TBL2: variants seen among roughly 807,000 people sequenced by gnomAD.
TBL2 encodes the protein transducin beta-like protein 2.
In TBL2, 33 loss-of-function variants were observed where a neutral mutation model predicts 41.8. The observed-to-expected ratio is 0.79, with a 90% CI of 0.60 to 1.06. The LOEUF is 1.06. Among genes scored for constraint, TBL2 ranks in the 50% least tolerant of loss-of-function variants. TBL2 has a pLI of 0.00. For synonymous variants in TBL2, 239 were observed against 241.7 expected (o/e 0.99, Z 0.10); for missense variants, 522 against 603.8 (o/e 0.86, Z 1.42).
chr7:73,577,405 G>GTC (rs1456605302), intron 1 of TBL2, among the ~76,000 whole-genome samples: 3 of 151,012 alleles, frequency 2.0e-5, no homozygotes, highest in Admixed American at 6.6e-5. Flanking sequence ...GCGAAACCCC[G>GTC]TCTACTAAAT....
In TBL2 at chr7:73,570,863, C is replaced by T; in HGVS notation, c.988G>A (p.Ala330Thr). Reference protein sequence around the residue: ...LLKTGRFEEAAGAAPCRLALS... With the variant: ...LLKTGRFEEATGAAPCRLALS... Reference sequence around the variant, plus strand: ...GCCAGGCGGCACGGCGCGGCACCCGCCGCCTCTTCAAAGCGGCCTGTCTTC... The same window carrying T: ...GCCAGGCGGCACGGCGCGGCACCCGTCGCCTCTTCAAAGCGGCCTGTCTTC... Residue 330 changes from alanine to threonine, a missense_variant, in exon 7 of 7, where the codon GCG (alanine) becomes ACG (threonine). Coordinates refer to ENST00000305632, the MANE Select transcript of TBL2 (RefSeq NM_012453.4). The T allele has an allele frequency of 6.2e-7, 1 of 1,613,884 alleles. No homozygotes were observed. The highest frequency in any genetic ancestry group is 8.5e-7 in the Non-Finnish European group (1 of 1,180,028).
At position 73,570,360 on chromosome 7, in the gene TBL2, T is replaced by G; in HGVS notation, c.*147A>C. 2 of 1,324,594 alleles carry G rather than the reference T, an allele frequency of 1.5e-6. No homozygotes were observed. The highest frequency in any genetic ancestry group is 1.7e-5 in the South Asian group (1 of 59,602). 82.1% of individuals were successfully genotyped at this position (1,324,594 alleles called of 1,614,324 possible). ...AGAGAGAGACCTAAGTAGACAAGAG[T>G]AGTTTCAATGGGAAGAAGCAGGGCC... On this transcript the variant is annotated 3_prime_UTR_variant, in exon 7 of 7. Transcript: ENST00000305632.
chr7:73,572,428 G>A (rs1210215007), intron 5 of TBL2, among the ~76,000 whole-genome samples: 3 of 152,164 alleles, frequency 2.0e-5, no homozygotes, highest in Non-Finnish European at 2.9e-5. Context: ...CTGCCTGGGC[G>A]AGGGTGAAAC....
At chr7:73,572,810 G>A (rs535466228) in intron 5 of TBL2, 34 bp downstream of exon 5, 42 of 1,613,402 alleles carry the variant, frequency 2.6e-5, no homozygotes, top group Middle Eastern at 1.7e-4. Context: ...CCAGCCTCTC[G>A]TGGTCCCAGA....
At chr7:73,576,973 C>T (rs971516970) in intron 1 of TBL2, among the ~76,000 whole-genome samples, 1 of 151,866 alleles carries the variant, frequency 6.6e-6, no homozygotes, top group Non-Finnish European at 1.5e-5. Context: ...AAGAACAGGA[C>T]TCGGCCAGGC....
chr7:73,571,177 G>A lies in TBL2; in HGVS notation c.878+12C>T, dbSNP rs367955099. The A allele has an allele frequency of 7.4e-6, 12 of 1,614,006 alleles. No individual in the cohort carries two copies. Among genetic ancestry groups the A allele is most frequent in the South Asian group, 6.6e-5 (6 of 91,066 alleles). ...AGAGCCACTGGTCAGACATCAGAGCGGATTCACTCACCTCCGTGAGTCGTT... is the reference window on the plus strand; with the variant it reads ...AGAGCCACTGGTCAGACATCAGAGCAGATTCACTCACCTCCGTGAGTCGTT... On this transcript the variant is annotated intron_variant, in intron 6 of 6. Transcript: ENST00000305632.
chr7:73,578,306 G>C, intron 1 of TBL2, 114 bp downstream of exon 1: 1 of 1,535,342 alleles, frequency 6.5e-7, no homozygotes, highest in Non-Finnish European at 8.7e-7. Flanking sequence ...AGAAACTGAG[G>C]CCCATGGAGT....
In TBL2 at chr7:73,568,333, C is replaced by T. The variant is rs568457298; in HGVS notation, c.*2174G>A. Among the ~76,000 whole-genome samples the T allele has an allele frequency of 7.8e-4, 118 of 152,120 alleles. No homozygotes were observed. Among genetic ancestry groups the T allele is most frequent in the Non-Finnish European group, 1.6e-3 (106 of 68,028 alleles). ...CCAATAAGAGAGTAGTGGACTGCATCGGGCCGACCTTAGTGTTTTGTTTGG... is the reference window on the plus strand; with the variant it reads ...CCAATAAGAGAGTAGTGGACTGCATTGGGCCGACCTTAGTGTTTTGTTTGG... On this transcript the variant is annotated 3_prime_UTR_variant, in exon 7 of 7. Transcript: ENST00000305632.
intron 4 of TBL2, 153 bp downstream of exon 4, chr7:73,573,167 C>T (rs1376404352): frequency 3.6e-6 from 5 of 1,380,040 alleles, no homozygotes; most frequent in Non-Finnish European, 4.9e-6. Context: ...CCAGGGACTC[C>T]AGGGGAGCAC....
chr7:73,574,425 T>C lies in TBL2; in HGVS notation c.219A>G (p.Gln73=). 6.2e-7 allele frequency: 1 copy of C among 1,614,090 alleles called. No individual in the cohort carries two copies. Among genetic ancestry groups the C allele is most frequent in the Non-Finnish European group, 8.5e-7 (1 of 1,180,040 alleles). Reference sequence around the variant, plus strand: ...GGAGGCGGTGGGTGAAGTTGTGTTGTTGAGGCTTCTCCTTCCGAATCCGCT... The same window carrying C: ...GGAGGCGGTGGGTGAAGTTGTGTTGCTGAGGCTTCTCCTTCCGAATCCGCT... ...QYQRIRKEKP[Q]QHNFTHRLLA... Residue 73 remains glutamine, a synonymous_variant, in exon 2 of 7, where the codon CAA becomes CAG. Coordinates refer to ENST00000305632, the MANE Select transcript of TBL2 (RefSeq NM_012453.4).
At chr7:73,578,180 C>A in intron 1 of TBL2, 1 of 1,452,676 alleles carries the variant, frequency 6.9e-7, no homozygotes, top group Non-Finnish European at 9.2e-7. Flanking sequence ...CTGGCCTCGG[C>A]CACAGAGAAA....
rs1792716740 is a variant in TBL2 at position 73,568,079 on chromosome 7, CAA to C, written c.*2426_*2427del. Among the ~76,000 whole-genome samples the C allele has an allele frequency of 6.6e-6, 1 of 152,152 alleles. No homozygotes were observed. Among genetic ancestry groups the C allele is most frequent in the African/African-American group, 2.4e-5 (1 of 41,424 alleles). On this transcript the variant is annotated 3_prime_UTR_variant, in exon 7 of 7. Transcript: ENST00000305632. ...TCAGGCCTTGTGTGCACAGCATTGC[CAA>C]AAGTCTGTGGTTAGGAACATACAAA...
chr7:73,573,396 G>A lies in TBL2; in HGVS notation c.522C>T (p.Tyr174=), dbSNP rs781929743. The change falls in exon 4 of 7, where the codon TAC becomes TAT. Residue 174 remains tyrosine (Y), a synonymous_variant. Coordinates refer to ENST00000305632, the MANE Select transcript of TBL2 (RefSeq NM_012453.4). The stretch of plus-strand genomic sequence containing the variant: ...AGTCCTCTGGGGTGGCTGTGAAGGT[G>A]TAGCCCCCATCCTCCCGCTTGGTCA... ...FKMTKREDGG[Y]TFTATPEDFP... The A allele has an allele frequency of 6.2e-7, 1 of 1,614,184 alleles. No individual in the cohort carries two copies. The highest frequency in any genetic ancestry group is 8.5e-7 in the Non-Finnish European group (1 of 1,180,024).
At chr7:73,575,292 A>ATT (rs781957714) in intron 1 of TBL2, among the ~76,000 whole-genome samples, 2 of 101,634 alleles carry the variant, frequency 2.0e-5, no homozygotes, top group Non-Finnish European at 2.0e-5. Context: ...TATCCAGCTA[A>ATT]TTTTTTTTTT....
chr7:73,574,225 C>G, intron 2 of TBL2, 103 bp from the exon 3 acceptor site: 1 of 1,538,034 alleles, frequency 6.5e-7, no homozygotes, highest in Non-Finnish European at 8.8e-7. Flanking sequence ...GGATTAACAG[C>G]AAGCTGAGAT....
Position 73,570,658 on chromosome 7 carries a change from A to G in TBL2, c.1193T>C (p.Leu398Pro), listed in dbSNP as rs782415315. Reference sequence around the variant, plus strand: ...TCGGTGGCCAGGAGTGTTGTGAAACAGCCGCACCGCCCGGTCCCCACAGGA... The same window carrying G: ...TCGGTGGCCAGGAGTGTTGTGAAACGGCCGCACCGCCCGGTCCCCACAGGA... The part of the protein sequence containing the change: ...LASCGDRAVR[L>P]FHNTPGHRAM... Residue 398 changes from leucine (L) to proline (P), a missense_variant, in exon 7 of 7, where the codon CTG becomes CCG. Coordinates refer to ENST00000305632, the MANE Select transcript of TBL2 (RefSeq NM_012453.4). 1 of 1,613,864 alleles carries G rather than the reference A, an allele frequency of 6.2e-7. No homozygotes were observed. Among genetic ancestry groups the G allele is most frequent in the Non-Finnish European group, 8.5e-7 (1 of 1,179,912 alleles).
intron 1 of TBL2, among the ~76,000 whole-genome samples, chr7:73,577,572 C>A (rs1271709101): frequency 1.3e-5 from 2 of 152,128 alleles, no homozygotes; most frequent in African/African-American, 4.8e-5. Flanking sequence ...GAAACTCTGT[C>A]TGAAAAATAA....
chr7:73,572,217 G>A (rs782537734), intron 5 of TBL2, among the ~76,000 whole-genome samples: 1 of 152,066 alleles, frequency 6.6e-6, no homozygotes, highest in Non-Finnish European at 1.5e-5. Context: ...GGGAGGTCGA[G>A]GCAAGAGGAT....
At position 73,573,975 on chromosome 7, in the gene TBL2, C is replaced by G. The variant is rs782320508; in HGVS notation, c.409G>C (p.Asp137His). The G allele has an allele frequency of 6.2e-7, 1 of 1,614,054 alleles. No homozygotes were observed. Among genetic ancestry groups the G allele is most frequent in the Non-Finnish European group, 8.5e-7 (1 of 1,180,044 alleles). Residue 137 changes from aspartate (D) to histidine (H), a missense_variant, in exon 3 of 7, where the codon GAC (aspartate) becomes CAC (histidine). By Grantham distance (81) the Asp-to-His change is moderately conservative. Coordinates refer to ENST00000305632, the MANE Select transcript of TBL2 (RefSeq NM_012453.4). The part of the protein sequence containing the change: ...HRSMRANVEL[D>H]HATLVRFSPD... The stretch of plus-strand genomic sequence containing the variant: ...CTGAAGCGCACCAGGGTGGCGTGGT[C>G]CAGCTCCACGTTGGCTCTCATGCTG...
Sources: allele counts gnomAD v4.1 joint callset (sites outside exome capture counted in the v4.1 genomes callset), GRCh38; gene constraint gnomAD v4.1.1; transcripts MANE v1.5; gene names NCBI Gene and HGNC (gene_info 2026-07-23, HGNC 2026-07-21).